CEP120: variants seen among roughly 807,000 people sequenced by gnomAD.
The protein encoded by CEP120 is centrosomal protein of 120 kDa.
Under a neutral mutation model 126.5 loss-of-function variants are expected in CEP120, and 113 were observed. The ratio of observed to expected loss-of-function variants is 0.89; its 90% CI spans 0.77 to 1.04. The LOEUF is 1.04. Ranked by LOEUF, CEP120 falls within the 50% of genes least tolerant of loss-of-function variation. CEP120 has a pLI of 0.00. For missense variants in CEP120, 1,230 were observed against 1,155.7 expected (o/e 1.06, Z -0.93); for synonymous variants, 400 against 394.3 (o/e 1.01, Z -0.17).
intron 17 of CEP120, among the ~76,000 whole-genome samples, chr5:123,369,521 C>A (rs182777471): frequency 1.3e-5 from 2 of 152,110 alleles, no homozygotes; most frequent in Admixed American, 6.6e-5. Context: ...CTTGTACATT[C>A]TCCTTCCCTC....
intron 15 of CEP120, among the ~76,000 whole-genome samples, chr5:123,378,103 T>C (rs1771364067): frequency 6.6e-6 from 1 of 151,626 alleles, no homozygotes; most frequent in South Asian, 2.1e-4. Context: ...AGATATATGA[T>C]AGATGACATA....
intron 19 of CEP120, among the ~76,000 whole-genome samples, chr5:123,347,080 T>C (rs1464448522): frequency 1.3e-5 from 2 of 152,188 alleles, no homozygotes; most frequent in African/African-American, 2.4e-5. Context: ...ATTTGAGTAA[T>C]ATTTTTCTGT....
intron 5 of CEP120, among the ~76,000 whole-genome samples, chr5:123,395,376 T>C (rs1338620329): frequency 6.6e-6 from 1 of 152,186 alleles, no homozygotes. Context: ...CTGAAAAGGT[T>C]TGTAAATCTG....
chr5:123,383,228 T>C (rs1281408292), intron 11 of CEP120, 146 bp from the exon 12 acceptor site: 7 of 569,600 alleles, frequency 1.2e-5, no homozygotes, highest in Non-Finnish European at 2.2e-5. Flanking sequence ...GCAACTTCTG[T>C]AGGCTTCAAC....
At position 123,386,624 on chromosome 5, in the gene CEP120, T is replaced by C. The variant is rs1193704594; in HGVS notation, c.1474A>G (p.Asn492Asp). The change falls in exon 10 of 20, where the codon AAT becomes GAT. Residue 492 changes from asparagine (N) to aspartate (D), a missense_variant. Asn to Asp is a conservative substitution (Grantham distance 23). Transcript: ENST00000306467. ...TTTTTCCGAACTTCTACAGGAGGAT[T>C]AGTCATAATAGGAGCTGCACTTCCA... Reference protein sequence around the residue: ...FFGSAAPIMTNPPVEVRKNME... With the variant: ...FFGSAAPIMTDPPVEVRKNME... 1.5e-5 allele frequency: 24 copies of C among 1,581,222 alleles called. No homozygotes were observed. The highest frequency in any genetic ancestry group is 2.1e-5 in the Non-Finnish European group (24 of 1,166,930).
chr5:123,384,811 T>A, intron 11 of CEP120, 140 bp downstream of exon 11: 2 of 678,858 alleles, frequency 2.9e-6, no homozygotes, highest in Non-Finnish European at 4.8e-6. Flanking sequence ...TCAGAGAAGA[T>A]CAGAAAAAGG....
chr5:123,418,599 GTTTTTT>G, intron 1 of CEP120, 84 bp from the exon 2 acceptor site: 1 of 866,008 alleles, frequency 1.2e-6, no homozygotes, highest in Non-Finnish European at 1.6e-6. Context: ...TGTTTGGCTG[GTTTTTT>G]TTTTTTTTTG....
rs1772531982 is a variant in CEP120 at position 123,393,367 on chromosome 5, G to A, written c.743C>T (p.Ala248Val). The A allele has an allele frequency of 1.2e-6, 2 of 1,614,124 alleles. No individual in the cohort carries two copies. Among genetic ancestry groups the A allele is most frequent in the African/African-American group, 1.3e-5 (1 of 75,036 alleles). ...LINPNFEPER[A>V]SVRIRSSVEI... Reference sequence around the variant, plus strand: ...TACACTGCTACGGATGCGAACTGATGCTCTCTCTGGCTCAAAGTTTGGGTT... The same window carrying A: ...TACACTGCTACGGATGCGAACTGATACTCTCTCTGGCTCAAAGTTTGGGTT... Residue 248 changes from alanine to valine, a missense_variant, in exon 6 of 20, where the codon GCA becomes GTA. By Grantham distance (64) the Ala-to-Val change is moderately conservative. Transcript: ENST00000306467.
chr5:123,374,954 G>A (rs1771105083), intron 16 of CEP120, among the ~76,000 whole-genome samples: 1 of 152,024 alleles, frequency 6.6e-6, no homozygotes, highest in Non-Finnish European at 1.5e-5. Flanking sequence ...TTTGAGTTCT[G>A]GTGACTGCTA....
chr5:123,378,060 G>T (rs1444650745), intron 15 of CEP120, among the ~76,000 whole-genome samples: 1 of 152,008 alleles, frequency 6.6e-6, no homozygotes, highest in Non-Finnish European at 1.5e-5. Context: ...GTAATAAACA[G>T]TATGAATTTC....
intron 3 of CEP120, among the ~76,000 whole-genome samples, chr5:123,414,898 G>C (rs772199737): frequency 1.5e-4 from 22 of 147,068 alleles, no homozygotes; most frequent in Non-Finnish European, 2.5e-4. Context: ...CATGAACCCG[G>C]GAGTCAGAGC....
intron 4 of CEP120, among the ~76,000 whole-genome samples, chr5:123,408,883 A>T (rs1310235803): frequency 2.0e-5 from 3 of 152,208 alleles, no homozygotes; most frequent in Non-Finnish European, 4.4e-5. Context: ...CTTCAACAAA[A>T]TATTAGCAAA....
intron 14 of CEP120, among the ~76,000 whole-genome samples, chr5:123,379,288 G>C (rs1339810534): frequency 1.3e-5 from 2 of 151,930 alleles, no homozygotes; most frequent in African/African-American, 4.8e-5. Flanking sequence ...ACTACTATTA[G>C]TTTTTGGCTT....
intron 1 of CEP120, among the ~76,000 whole-genome samples, chr5:123,421,900 C>G (rs1205081520): frequency 6.6e-6 from 1 of 152,176 alleles, no homozygotes. Flanking sequence ...ATTAGGATTA[C>G]AATGTTTCCT....
At position 123,403,446 on chromosome 5, in the gene CEP120, G is replaced by A. The variant is rs142247514; in HGVS notation, c.464-4162C>T. 1.8e-3 allele frequency: 663 copies of A among 376,880 alleles called. 1 individual carries two copies. The highest frequency in any genetic ancestry group is 0.013 in the African/African-American group (600 of 46,840). 23.3% of individuals were successfully genotyped at this position (376,880 alleles called of 1,614,324 possible). On this transcript the variant is annotated intron_variant, in intron 4 of 19. Transcript: ENST00000306467. ...CCAAATCTGGGACAAACAATTAAGC[G>A]TAGTTAAATATTGTAAAACACTAAA...
chr5:123,371,638 G>A (rs1562020435), intron 17 of CEP120, among the ~76,000 whole-genome samples: 1 of 152,048 alleles, frequency 6.6e-6, no homozygotes, highest in Non-Finnish European at 1.5e-5. Context: ...GAAGGAAGCT[G>A]GAGAGAAGGG....
At chr5:123,346,778 CTG>C in intron 19 of CEP120, 25 bp from the exon 20 acceptor site, 1 of 1,491,170 alleles carries the variant, frequency 6.7e-7, no homozygotes, top group Non-Finnish European at 9.0e-7. Context: ...ACAAATGCCA[CTG>C]TAGCAACTGT....
chr5:123,372,052 T>C (rs565735798), intron 17 of CEP120, among the ~76,000 whole-genome samples: 150 of 152,214 alleles, frequency 9.9e-4, no homozygotes, highest in African/African-American at 3.4e-3. Context: ...AATCTCAATT[T>C]AAATGAGAAG....
Position 123,389,988 on chromosome 5 carries a change from A to T in CEP120, c.1191T>A (p.Asp397Glu). 2 of 1,614,072 alleles carry T rather than the reference A, an allele frequency of 1.2e-6. No homozygotes were observed. Among genetic ancestry groups the T allele is most frequent in the Non-Finnish European group, 1.7e-6 (2 of 1,180,010 alleles). The change falls in exon 8 of 20, where the codon GAT becomes GAA. Residue 397 changes from aspartate to glutamate, a missense_variant. Transcript: ENST00000306467. ...TTTCCACTTCACTTTCTGTTGCATC[A>T]TCTTTTGTTGGAGGTGACTGGTTGT... ...PSHNQSPPTK[D>E]DATESEVESL...
Sources: allele counts gnomAD v4.1 joint callset (sites outside exome capture counted in the v4.1 genomes callset), GRCh38; gene constraint gnomAD v4.1.1; transcripts MANE v1.5; gene names NCBI Gene and HGNC (gene_info 2026-07-23, HGNC 2026-07-21).